The following SHROOM4 variants were observed in gnomAD, a reference collection of about 807,000 sequenced individuals.
The protein encoded by SHROOM4 is shroom family member 4.
Under a neutral mutation model 80.3 loss-of-function variants are expected in SHROOM4, and 17 were observed. The ratio of observed to expected loss-of-function variants is 0.21; its 90% CI spans 0.14 to 0.32. SHROOM4 has a LOEUF of 0.32. Among genes scored for constraint, SHROOM4 ranks in the 10% least tolerant of loss-of-function variants. SHROOM4 has a pLI of 1.00. For synonymous variants in SHROOM4, 400 were observed against 437.5 expected, an observed-to-expected ratio of 0.91 and a Z score of 1.07; for missense variants, 993 against 1,140.3, an observed-to-expected ratio of 0.87 and a Z score of 1.86.
At chrX:50,717,107 G>A (rs781811280) in intron 1 of SHROOM4, among the ~76,000 whole-genome samples, 5 of 112,227 alleles carry the variant, frequency 4.5e-5, no homozygotes, top group Admixed American at 2.8e-4. Context: ...CACTACAAGG[G>A]ACTATTCTTG....
intron 1 of SHROOM4, among the ~76,000 whole-genome samples, chrX:50,758,952 T>G (rs1031003318): frequency 8.9e-6 from 1 of 112,192 alleles, no homozygotes; most frequent in Non-Finnish European, 1.9e-5. Flanking sequence ...TACAGTTGTT[T>G]GGAGTGCTCC....
chrX:50,621,546 C>T (rs1459905769), intron 5 of SHROOM4, among the ~76,000 whole-genome samples: 1 of 112,093 alleles, frequency 8.9e-6, no homozygotes, highest in Non-Finnish European at 1.9e-5. Flanking sequence ...GTAATCATTA[C>T]TATATTCAGT....
In SHROOM4 at chrX:50,607,382, T is replaced by C. The variant is rs1602359965; in HGVS notation, c.3760A>G (p.Lys1254Glu). The change falls in exon 6 of 9, where the codon AAA becomes GAA. Residue 1254 changes from lysine (K) to glutamate (E), a missense_variant and splice_region_variant. Transcript: ENST00000376020. ...TSGQEATESAKQEFQHFSPPS... is the reference protein window; with the variant it reads ...TSGQEATESAEQEFQHFSPPS... ...CTAGTATCTTTCATATGTACTTACT[T>C]GGCGGATTCAGTGGCTTCCTGTCCC... 3 of 1,211,095 alleles carry C rather than the reference T, an allele frequency of 2.5e-6. No homozygotes were observed. In the East Asian group the frequency reaches 8.9e-5, roughly 36 times the overall value.
At chrX:50,578,547 C>T in the SHROOM4 span, among the ~76,000 whole-genome samples, 2 of 111,529 alleles carry the variant, frequency 1.8e-5, no homozygotes, top group Non-Finnish European at 3.8e-5. Flanking sequence ...CCTCATGATC[C>T]GCCTGCCTCA....
At chrX:50,749,909 A>C (rs1462787488) in intron 1 of SHROOM4, among the ~76,000 whole-genome samples, 1 of 111,478 alleles carries the variant, frequency 9.0e-6, no homozygotes, top group African/African-American at 3.3e-5. Context: ...TGCCACTAGA[A>C]ATCTGGTTTT....
chrX:50,707,895 A>G (rs1557264095), intron 1 of SHROOM4, among the ~76,000 whole-genome samples: 4 of 111,674 alleles, frequency 3.6e-5, no homozygotes, highest in African/African-American at 1.3e-4. Context: ...TTTTCTCTGC[A>G]GTGCCATCAG....
At chrX:50,579,885 T>C in the SHROOM4 span, among the ~76,000 whole-genome samples, 1 of 111,643 alleles carries the variant, frequency 9.0e-6, no homozygotes, top group Non-Finnish European at 1.9e-5. Flanking sequence ...TCACATTGTT[T>C]TATATCCAGA....
chrX:50,612,815 A>G (rs1557250128), intron 5 of SHROOM4, among the ~76,000 whole-genome samples: 1 of 109,059 alleles, frequency 9.2e-6, no homozygotes, highest in African/African-American at 3.5e-5. Flanking sequence ...GTATTTGATA[A>G]CAATTCAACA....
At chrX:50,645,852 C>T (rs899071483) in intron 2 of SHROOM4, among the ~76,000 whole-genome samples, 2 of 111,423 alleles carry the variant, frequency 1.8e-5, no homozygotes, top group Middle Eastern at 9.3e-3. Flanking sequence ...GGAGGGTGGG[C>T]ACATGCAGCA....
At chrX:50,613,325 G>A (rs1930080671) in intron 5 of SHROOM4, among the ~76,000 whole-genome samples, 1 of 111,452 alleles carries the variant, frequency 9.0e-6, no homozygotes, top group African/African-American at 3.3e-5. Context: ...TGTTGCCCAG[G>A]CTGGTCTCAA....
chrX:50,666,332 T>C (rs1557260356), intron 2 of SHROOM4, among the ~76,000 whole-genome samples: 2 of 111,844 alleles, frequency 1.8e-5, no homozygotes, highest in African/African-American at 3.3e-5. Flanking sequence ...TTTACCCTGA[T>C]GAGTTATGGG....
chrX:50,705,272 G>GA (rs202161475), intron 1 of SHROOM4, among the ~76,000 whole-genome samples: 7,493 of 110,267 alleles, frequency 0.068, 648 homozygotes, highest in African/African-American at 0.23. Context: ...TGAAAAAAAA[G>GA]AAAAAAAATG....
chrX:50,749,752 C>T (rs1293104633), intron 1 of SHROOM4, among the ~76,000 whole-genome samples: 3 of 111,688 alleles, frequency 2.7e-5, no homozygotes, highest in Non-Finnish European at 5.6e-5. Flanking sequence ...TTGGCTAGGG[C>T]ATAAGATGTA....
chrX:50,734,464 A>G (rs1934437171), intron 1 of SHROOM4, among the ~76,000 whole-genome samples: 1 of 110,848 alleles, frequency 9.0e-6, no homozygotes, highest in African/African-American at 3.3e-5. Flanking sequence ...CCCAGGCTGG[A>G]GTGCAGTGGT....
At chrX:50,746,858 T>A (rs1384815516) in intron 1 of SHROOM4, among the ~76,000 whole-genome samples, 1 of 112,145 alleles carries the variant, frequency 8.9e-6, no homozygotes, top group Non-Finnish European at 1.9e-5. Context: ...CTTCTTTCAC[T>A]CTTCAAGAGG....
intron 3 of SHROOM4, among the ~76,000 whole-genome samples, chrX:50,636,877 T>C (rs1931381142): frequency 9.0e-6 from 1 of 111,700 alleles, no homozygotes; most frequent in Non-Finnish European, 1.9e-5. Context: ...ATAATAGTAA[T>C]AGCTATATCA....
rs556402168 is a variant in SHROOM4, at chrX:50,754,348, G to A, written c.118-58411C>T. 5.8e-4 allele frequency among the ~76,000 whole-genome samples: 65 copies of A among 111,969 alleles called. No individual in the cohort carries two copies. In the East Asian group the frequency reaches 0.012, roughly 20 times the overall value. On this transcript the variant is annotated intron_variant, in intron 1 of 8. Transcript: ENST00000376020. The stretch of plus-strand genomic sequence containing the variant: ...CTTAATTTATTGAGTCTCAAGCACT[G>A]TTCTATAGACAATGGGAATATAACA...
At chrX:50,630,171 T>G (rs1213693495) in intron 4 of SHROOM4, among the ~76,000 whole-genome samples, 2 of 110,901 alleles carry the variant, frequency 1.8e-5, no homozygotes, top group Non-Finnish European at 3.8e-5. Flanking sequence ...CGTACCTCCA[T>G]CTCTTATAGA....
chrX:50,790,473 T>C (rs1368529300), intron 1 of SHROOM4, among the ~76,000 whole-genome samples: 2 of 111,062 alleles, frequency 1.8e-5, no homozygotes, highest in African/African-American at 6.5e-5. Flanking sequence ...TTATACCTGA[T>C]ACAGATAAGG....
Sources: gnomAD v4.1 joint callset for allele counts (sites outside exome capture counted in the v4.1 genomes callset) on GRCh38, gnomAD v4.1.1 for gene constraint, MANE v1.5 for transcripts, NCBI Gene and HGNC (gene_info 2026-07-23, HGNC 2026-07-21) for gene names.